Variants in ALDH1A3 observed in about 807,000 individuals in gnomAD.
ALDH1A3 encodes aldehyde dehydrogenase 1 family member A3.
Under a neutral mutation model 57.5 loss-of-function variants are expected in ALDH1A3, and 28 were observed. The ratio of observed to expected loss-of-function variants is 0.49; its 90% CI spans 0.36 to 0.67. The LOEUF is 0.67. Ranked by LOEUF, ALDH1A3 falls within the 30% of genes least tolerant of loss-of-function variation. The probability of loss-of-function intolerance (pLI) is 0.00; values close to 1 mark genes in which losing one functional copy is unlikely to be tolerated. For synonymous variants in ALDH1A3, 281 were observed against 264.8 expected (o/e 1.06, Z -0.59); for missense variants, 507 against 669.4 (o/e 0.76, Z 2.68).
chr15:100,904,900 A>G (rs1032256462), intron 9 of ALDH1A3, among the ~76,000 whole-genome samples: 1 of 152,132 alleles, frequency 6.6e-6, no homozygotes, highest in African/African-American at 2.4e-5. Context: ...GTGTTGAGTA[A>G]GGTGGTTAGC....
At chr15:100,909,652 C>T (rs2041864217) in intron 12 of ALDH1A3, among the ~76,000 whole-genome samples, 1 of 152,182 alleles carries the variant, frequency 6.6e-6, no homozygotes, top group African/African-American at 2.4e-5. Flanking sequence ...TTTTGTCCTG[C>T]CTGCTGGGAA....
At chr15:100,913,768 G>A (rs915220791) in intron 12 of ALDH1A3, 4 of 152,286 alleles carry the variant, frequency 2.6e-5, no homozygotes, top group African/African-American at 9.7e-5. Flanking sequence ...TCAGAGGTGA[G>A]GCTGATGCTG....
chr15:100,888,466 C>T (rs186534929), intron 3 of ALDH1A3: 3 of 152,336 alleles, frequency 2.0e-5, no homozygotes, highest in Non-Finnish European at 4.4e-5. Flanking sequence ...TTCATGAAAT[C>T]ACAGGTTTGA....
At chr15:100,882,831 C>G (rs769605299) in intron 1 of ALDH1A3, among the ~76,000 whole-genome samples, 1 of 152,094 alleles carries the variant, frequency 6.6e-6, no homozygotes, top group Non-Finnish European at 1.5e-5. Context: ...ATTTATATAC[C>G]CTTTCCTTAT....
At chr15:100,907,844 C>CTTTTTTTTTTTTTTTTTTTTTTTTTTTT (rs71151987) in intron 11 of ALDH1A3, among the ~76,000 whole-genome samples, 13 of 81,912 alleles carry the variant, frequency 1.6e-4, no homozygotes, top group Non-Finnish European at 2.1e-4. Context: ...TTCTTTCTTT[C>CTTTTTTTTTTTTTTTTTTTTTTTTTTTT]TTTTTTTTTT....
At position 100,889,302 on chromosome 15, in the gene ALDH1A3, G is replaced by T. The variant is rs759632614; in HGVS notation, c.345+1590G>T. Among the ~76,000 whole-genome samples, 15 of 152,192 alleles carry T rather than the reference G, an allele frequency of 9.9e-5. No individual in the cohort carries two copies. Among genetic ancestry groups the T allele is most frequent in the Non-Finnish European group, 1.8e-4 (12 of 68,042 alleles). On this transcript the variant is annotated intron_variant, in intron 3 of 12. Transcript: ENST00000329841. This position sits in a 1 kb window ranked among gnomAD's most constrained non-coding sequence, Gnocchi z 5.1. ...ACGGAAATTGCTGTTGCCCCTGAAT[G>T]TGTTTCTCAGGGTGGAGGAACTCTC...
Position 100,914,927 on chromosome 15 carries a change from AC to A in ALDH1A3, c.*155del, listed in dbSNP as rs1275789216. 25 of 692,420 alleles carry A rather than the reference AC, an allele frequency of 3.6e-5. No homozygotes were observed. The highest frequency in any genetic ancestry group is 9.0e-5 in the African/African-American group (5 of 55,724). 42.9% of individuals were successfully genotyped at this position (692,420 alleles called of 1,614,324 possible). ...GTTGAATGATTGCTGTTTTCCTCTC[AC>A]TCTCCTGTTTATTCACCAGACTGGG... On this transcript the variant is annotated 3_prime_UTR_variant, in exon 13 of 13. Transcript: ENST00000329841.
At chr15:100,900,906 C>A in intron 9 of ALDH1A3, 147 bp downstream of exon 9, 1 of 905,302 alleles carries the variant, frequency 1.1e-6, no homozygotes, top group Non-Finnish European at 1.6e-6. Context: ...AGAAACTGAT[C>A]AGAAACACAA....
intron 11 of ALDH1A3, among the ~76,000 whole-genome samples, chr15:100,907,513 C>A (rs1457064916): frequency 6.6e-6 from 1 of 152,190 alleles, no homozygotes; most frequent in Non-Finnish European, 1.5e-5. Flanking sequence ...CAGGGTCACA[C>A]AGCTAGCAGA....
In ALDH1A3 at chr15:100,879,969, C is replaced by T; in HGVS notation, c.62C>T (p.Pro21Leu). 1 of 1,476,290 alleles carries T rather than the reference C, an allele frequency of 6.8e-7. No individual in the cohort carries two copies. The highest frequency in any genetic ancestry group is 1.3e-5 in the South Asian group (1 of 77,474). The allele number at this position is 1,476,290 out of a possible 1,614,324, so 91.4% of individuals were successfully genotyped here. A position where few individuals can be genotyped will look rare whatever the true frequency, so the allele number is the denominator to read the frequency against. ...GQPDRKPPAL[P>L]RPIRNLEVKF... ...CCGGACAGGAAGCCGCCGGCCCTGC[C>T]GCGCCCCATCCGCAACCTGGAGGTC... Residue 21 changes from proline to leucine, a missense_variant, in exon 1 of 13, where the codon CCG (proline) becomes CTG (leucine). Physicochemically the swap from Pro to Leu is moderately conservative, Grantham distance 98. This residue lies in a region of ALDH1A3 where 75 missense variants were observed against 61.0 expected (regional missense o/e 1.23). Transcript: ENST00000329841.
At chr15:100,886,633 G>C (rs541862660) in intron 2 of ALDH1A3, among the ~76,000 whole-genome samples, 1 of 152,292 alleles carries the variant, frequency 6.6e-6, no homozygotes, top group Admixed American at 6.5e-5. Context: ...TAGAAAGAGA[G>C]AGGCATGGAG....
At position 100,895,923 on chromosome 15, in the gene ALDH1A3, T is replaced by C; in HGVS notation, c.667-10T>C. ...GTTCTTCTTCAAGTGCTATCTTGAT[T>C]TCTTCCCAGGCCGGGTTCCCTCCAG... On this transcript the variant is annotated splice_polypyrimidine_tract_variant and intron_variant, in intron 6 of 12. Coordinates refer to ENST00000329841, the MANE Select transcript of ALDH1A3 (RefSeq NM_000693.4). 1 of 1,607,450 alleles carries C rather than the reference T, an allele frequency of 6.2e-7. No individual in the cohort carries two copies. The highest frequency in any genetic ancestry group is 8.5e-7 in the Non-Finnish European group (1 of 1,176,258).
intron 12 of ALDH1A3, among the ~76,000 whole-genome samples, chr15:100,912,103 C>T (rs2041887769): frequency 6.6e-6 from 1 of 152,164 alleles, no homozygotes; most frequent in African/African-American, 2.4e-5. Context: ...TGATGATCTC[C>T]CATGAGGAAC....
chr15:100,908,304 C>T, intron 11 of ALDH1A3, 104 bp from the exon 12 acceptor site: 5 of 918,186 alleles, frequency 5.4e-6, no homozygotes, highest in Non-Finnish European at 8.5e-6. Context: ...TGGCAAAAGA[C>T]TGTTTATTAG....
rs1567176205 is a variant in ALDH1A3 at position 100,914,801 on chromosome 15, A to G, written c.*28A>G. On this transcript the variant is annotated 3_prime_UTR_variant, in exon 13 of 13. Coordinates refer to ENST00000329841, the MANE Select transcript of ALDH1A3 (RefSeq NM_000693.4). ...GAAAGGCGGGGCTCCTTCCTCAAAC[A>G]TCGGACGGCGGAATGTGGCAGATGA... The G allele has an allele frequency of 2.5e-6, 4 of 1,606,004 alleles. No homozygotes were observed. Among genetic ancestry groups the G allele is most frequent in the Middle Eastern group, 1.7e-4 (1 of 6,048 alleles).
chr15:100,908,675 C>T (rs1265772018), intron 12 of ALDH1A3, among the ~76,000 whole-genome samples, 193 bp downstream of exon 12: 1 of 152,202 alleles, frequency 6.6e-6, no homozygotes, highest in Non-Finnish European at 1.5e-5. Context: ...TTCCCACTTA[C>T]ATCCTCAGCC....
intron 4 of ALDH1A3, 71 bp downstream of exon 4, chr15:100,892,710 C>T: frequency 6.5e-7 from 1 of 1,536,340 alleles, no homozygotes; most frequent in Non-Finnish European, 8.7e-7. Context: ...TCCAGAGCCC[C>T]CCCTGACTGT....
At chr15:100,896,369 C>G (rs1354537553) in intron 7 of ALDH1A3, among the ~76,000 whole-genome samples, 2 of 151,714 alleles carry the variant, frequency 1.3e-5, no homozygotes, top group African/African-American at 4.8e-5. Flanking sequence ...ATGCAGTGCT[C>G]CAAGAATTTA....
chr15:100,879,932 GA>G lies in ALDH1A3; in HGVS notation c.29del (p.Asn10ThrfsTer85), dbSNP rs1487161507. On this transcript the variant is annotated frameshift_variant, in exon 1 of 13. Coordinates refer to ENST00000329841, the MANE Select transcript of ALDH1A3 (RefSeq NM_000693.4). LOFTEE classifies it high-confidence loss of function. Reference protein sequence around the residue: MATANGAVENGQPDRKPPA... With the variant: MATANGAVXNGQPDRKPPA... The stretch of plus-strand genomic sequence containing the variant: ...CATGGCCACCGCTAACGGGGCCGTG[GA>G]AAACGGGCAGCCGGACAGGAAGCCG... The G allele has an allele frequency of 3.4e-6, 5 of 1,467,852 alleles. No homozygotes were observed. The highest frequency in any genetic ancestry group is 4.8e-5 in the Admixed American group (2 of 41,488). The allele number at this position is 1,467,852 out of a possible 1,614,324, so 90.9% of individuals were successfully genotyped here. A position where few individuals can be genotyped will look rare whatever the true frequency, so the allele number is the denominator to read the frequency against.
Sources: gnomAD v4.1 joint callset for allele counts (sites outside exome capture counted in the v4.1 genomes callset) on GRCh38, gnomAD v4.1.1 for gene constraint, gnomAD v4.1.1 regional missense constraint, Gnocchi (gnomAD v3.1) non-coding constraint, MANE v1.5 for transcripts, NCBI Gene and HGNC (gene_info 2026-07-23, HGNC 2026-07-21) for gene names.